Variants in RASA2 observed in about 807,000 individuals in gnomAD.
RASA2 encodes the protein RAS p21 protein activator 2.
Under a neutral mutation model 118.2 loss-of-function variants are expected in RASA2, and 155 were observed. The observed-to-expected ratio is 1.31, with a 90% CI of 1.15 to 1.50. The LOEUF is 1.50. RASA2 is among the 40% of genes most tolerant of loss of function. The pLI is 0.00. For missense variants in RASA2, 1,016 were observed against 1,009.6 expected, an observed-to-expected ratio of 1.01 and a Z score of -0.09; for synonymous variants, 353 against 349.1, an observed-to-expected ratio of 1.01 and a Z score of -0.12.
At chr3:141,584,883 C>CAT (rs1577788931) in intron 17 of RASA2, among the ~76,000 whole-genome samples, 2 of 151,716 alleles carry the variant, frequency 1.3e-5, no homozygotes, top group East Asian at 3.9e-4. Context: ...TCTCTCTCTC[C>CAT]ATATATATTT....
chr3:141,574,044 A>G lies in RASA2; in HGVS notation c.1460A>G (p.Gln487Arg). The change falls in exon 14 of 24, where the codon CAG becomes CGG. Residue 487 changes from glutamine (Q) to arginine (R), a missense_variant. Physicochemically the swap from Gln to Arg is conservative, Grantham distance 43 (BLOSUM62 1). Coordinates refer to ENST00000286364, the MANE Select transcript of RASA2 (RefSeq NM_006506.5). ...TGTGATATCTTTTATTCTCTAAGGCAGATGGCTACTCAGAGATTTCCTAGT... is the reference window on the plus strand; with the variant it reads ...TGTGATATCTTTTATTCTCTAAGGCGGATGGCTACTCAGAGATTTCCTAGT... ...VMCDIFYSLR[Q>R]MATQRFPNDP... The G allele has an allele frequency of 3.3e-6, 5 of 1,514,428 alleles. No homozygotes were observed. Among genetic ancestry groups the G allele is most frequent in the Non-Finnish European group, 4.4e-6 (5 of 1,124,820 alleles). The allele number at this position is 1,514,428 out of a possible 1,614,324, so 93.8% of individuals were successfully genotyped here. A position where few individuals can be genotyped will look rare whatever the true frequency, so the allele number is the denominator to read the frequency against.
intron 7 of RASA2, among the ~76,000 whole-genome samples, chr3:141,557,462 C>A (rs1437868066): frequency 2.0e-5 from 3 of 152,060 alleles, no homozygotes; most frequent in Non-Finnish European, 4.4e-5. Context: ...AAGTTATGTC[C>A]AAAGTACAGT....
chr3:141,528,155 A>G (rs565639996), intron 3 of RASA2, among the ~76,000 whole-genome samples: 1 of 151,838 alleles, frequency 6.6e-6, no homozygotes, highest in South Asian at 2.1e-4. Context: ...TACAGTTACC[A>G]CTCGTATTTT....
At chr3:141,506,450 A>G (rs1368376960) in intron 1 of RASA2, among the ~76,000 whole-genome samples, 2 of 152,164 alleles carry the variant, frequency 1.3e-5, no homozygotes, top group Non-Finnish European at 2.9e-5. Flanking sequence ...GCAAGTAAAA[A>G]CCATTTTTAT....
intron 3 of RASA2, among the ~76,000 whole-genome samples, chr3:141,518,644 C>T (rs2082067224): frequency 6.6e-6 from 1 of 151,532 alleles, no homozygotes; most frequent in Non-Finnish European, 1.5e-5. Flanking sequence ...TCTCTATAAT[C>T]TGGCTTCTAT....
chr3:141,517,485 T>A (rs573264190), intron 3 of RASA2, among the ~76,000 whole-genome samples: 17 of 152,176 alleles, frequency 1.1e-4, no homozygotes, highest in Non-Finnish European at 2.2e-4. Context: ...TACACACTTT[T>A]ACAATAACCA....
chr3:141,557,601 T>A (rs1488345439), intron 7 of RASA2, among the ~76,000 whole-genome samples: 2 of 152,146 alleles, frequency 1.3e-5, no homozygotes, highest in African/African-American at 4.8e-5. Flanking sequence ...TTTGAGCCTA[T>A]AAGTTATGAG....
At chr3:141,538,088 A>G (rs1328075632) in intron 4 of RASA2, among the ~76,000 whole-genome samples, 4 of 137,784 alleles carry the variant, frequency 2.9e-5, no homozygotes, top group African/African-American at 1.2e-4. Context: ...TAACTGCCCC[A>G]TCAAAAAACA....
intron 19 of RASA2, among the ~76,000 whole-genome samples, chr3:141,587,713 CAAA>C (rs1156964232): frequency 5.4e-5 from 3 of 55,838 alleles, no homozygotes; most frequent in Non-Finnish European, 8.1e-5. Context: ...GACTCCATCT[CAAA>C]AAAAAAAAAA....
In RASA2 at chr3:141,601,508, C is replaced by T. The variant is rs79325904; in HGVS notation, c.1934-6170C>T. ...CAAAGAAAATGTGGAAAAATATCTT[C>T]GAAACCATGATATGCTAGGATTTCT... is the stretch of plus-strand genomic sequence containing the variant. On this transcript the variant is annotated intron_variant, in intron 19 of 23. Coordinates refer to ENST00000286364, the MANE Select transcript of RASA2 (RefSeq NM_006506.5). 8.0e-3 allele frequency among the ~76,000 whole-genome samples: 701 copies of T among 87,606 alleles called. 3 individuals are homozygous for T. Among genetic ancestry groups the T allele is most frequent in the African/African-American group, 0.015 (445 of 30,034 alleles). The allele number at this position is 87,606 out of a possible 152,430, so 57.5% of individuals were successfully genotyped here.
intron 19 of RASA2, among the ~76,000 whole-genome samples, chr3:141,588,411 G>C (rs1163479876): frequency 6.6e-6 from 1 of 152,202 alleles, no homozygotes; most frequent in East Asian, 1.9e-4. Context: ...AGGCTTAACA[G>C]AGTACCTGAG....
At chr3:141,540,697 C>A in intron 5 of RASA2, 88 bp downstream of exon 5, 1 of 1,154,604 alleles carries the variant, frequency 8.7e-7, no homozygotes, top group Non-Finnish European at 1.2e-6. Flanking sequence ...GTTTTAACTT[C>A]AGAAACTTTT....
intron 2 of RASA2, among the ~76,000 whole-genome samples, chr3:141,512,800 C>T (rs535841725): frequency 1.3e-5 from 2 of 152,138 alleles, no homozygotes; most frequent in African/African-American, 2.4e-5. Context: ...TGGTGGCTCA[C>T]GCTTGTAATC....
intron 9 of RASA2, among the ~76,000 whole-genome samples, chr3:141,568,835 TATG>T (rs1256577096): frequency 6.6e-6 from 1 of 152,054 alleles, no homozygotes; most frequent in Non-Finnish European, 1.5e-5. Context: ...TTGTGGGCAA[TATG>T]ATGATAAGCC....
At chr3:141,511,584 C>T (rs542204746) in intron 1 of RASA2, among the ~76,000 whole-genome samples, 140 of 152,042 alleles carry the variant, frequency 9.2e-4, no homozygotes, top group Non-Finnish European at 1.6e-3. Flanking sequence ...GAGAAGTGAC[C>T]GTTGATTTGG....
chr3:141,554,256 T>C (rs1442432025), intron 6 of RASA2, among the ~76,000 whole-genome samples: 2 of 152,332 alleles, frequency 1.3e-5, no homozygotes, highest in South Asian at 2.1e-4. Context: ...TTCCTACTTT[T>C]CAAATATCCT....
intron 22 of RASA2, 127 bp from the exon 23 acceptor site, chr3:141,609,750 G>A: frequency 2.3e-6 from 2 of 878,690 alleles, no homozygotes; most frequent in Non-Finnish European, 3.4e-6. Context: ...ATATATTTTA[G>A]TTATCTCGGC....
intron 1 of RASA2, among the ~76,000 whole-genome samples, chr3:141,501,714 C>G (rs1417338880): frequency 6.6e-6 from 1 of 152,080 alleles, no homozygotes; most frequent in East Asian, 1.9e-4. Context: ...TTTCAAAGAC[C>G]TTATGATATA....
Position 141,589,568 on chromosome 3 carries a change from C to T in RASA2, c.1933+2816C>T, listed in dbSNP as rs542164578. On this transcript the variant is annotated intron_variant, in intron 19 of 23. Transcript: ENST00000286364. ...GTTAAGAACCTCTGTTCTGGCCGGG[C>T]GCGGTGGCTCACACCCGTGATCCCA... Among the ~76,000 whole-genome samples the T allele has an allele frequency of 9.2e-5, 14 of 152,182 alleles. No homozygotes were observed. The East Asian group carries it at 1.2e-3, about 13-fold the overall frequency.
Sources: allele counts gnomAD v4.1 joint callset (sites outside exome capture counted in the v4.1 genomes callset), GRCh38; gene constraint gnomAD v4.1.1; transcripts MANE v1.5; gene names NCBI Gene and HGNC (gene_info 2026-07-23, HGNC 2026-07-21).